Variants in FBLN5 observed in about 807,000 individuals in gnomAD.
The protein encoded by FBLN5 is fibulin-5.
In FBLN5, 24 loss-of-function variants were observed where a neutral mutation model predicts 61.6. That is an observed-to-expected ratio of 0.39 (90% CI 0.28 to 0.55). FBLN5 has a LOEUF of 0.55. Among genes scored for constraint, FBLN5 ranks in the 20% least tolerant of loss-of-function variants. The pLI is 0.65. For missense variants in FBLN5, 470 were observed against 594.1 expected, an observed-to-expected ratio of 0.79 and a Z score of 2.17; for synonymous variants, 213 against 219.8, an observed-to-expected ratio of 0.97 and a Z score of 0.27.
chr14:91,911,765 C>A (rs1308028826), intron 4 of FBLN5, among the ~76,000 whole-genome samples: 1 of 145,728 alleles, frequency 6.9e-6, no homozygotes, highest in African/African-American at 2.5e-5. Context: ...CTCTGCAGGG[C>A]TAAGGAGGCC....
chr14:91,947,274 C>CGCGG lies in FBLN5; in HGVS notation c.-49_-46dup. The CGCGG allele has an allele frequency of 6.2e-7, 1 of 1,613,860 alleles. No individual in the cohort carries two copies. Among genetic ancestry groups the CGCGG allele is most frequent in the Non-Finnish European group, 8.5e-7 (1 of 1,179,886 alleles). On this transcript the variant is annotated 5_prime_UTR_variant, in exon 1 of 11. Transcript: ENST00000342058. The surrounding 1 kb of genome is among the most constrained non-coding windows in gnomAD (Gnocchi z 4.3). ...GAGATGCGAAGGCGAGAAGAAAGCT[C>CGCGG]GCGGGCGGGACCCCCGGAGGAGCTC...
At chr14:91,928,781 G>C (rs747544256) in intron 4 of FBLN5, among the ~76,000 whole-genome samples, 6 of 151,810 alleles carry the variant, frequency 4.0e-5, no homozygotes, top group African/African-American at 1.5e-4. Flanking sequence ...GTCTCAGGCC[G>C]GGCGCAGTGG....
chr14:91,939,641 C>T (rs1319209592), intron 3 of FBLN5, among the ~76,000 whole-genome samples: 2 of 152,152 alleles, frequency 1.3e-5, no homozygotes, highest in African/African-American at 4.8e-5. Context: ...CGCACCCGGC[C>T]CCATCGATGC....
rs77135064 is a variant in FBLN5, at chr14:91,935,401, G to C, written c.379+1546C>G. On this transcript the variant is annotated intron_variant, in intron 4 of 10. Coordinates refer to ENST00000342058, the MANE Select transcript of FBLN5 (RefSeq NM_006329.4). ...CAAGGCCCCCTGCCAAAACCGCAGA[G>C]TGCCTCGAAAGAATCATTACACCCT... Among the ~76,000 whole-genome samples the C allele has an allele frequency of 4.2e-3, 639 of 152,350 alleles. 6 individuals are homozygous for C. The highest frequency in any genetic ancestry group is 0.015 in the African/African-American group (608 of 41,574).
chr14:91,886,787 A>G (rs1011635311), intron 7 of FBLN5, among the ~76,000 whole-genome samples: 3 of 152,068 alleles, frequency 2.0e-5, no homozygotes, highest in Non-Finnish European at 2.9e-5. Flanking sequence ...CCCCAACCCT[A>G]CCCGATAAGA....
intron 4 of FBLN5, among the ~76,000 whole-genome samples, chr14:91,912,712 A>C (rs1243312980): frequency 6.6e-6 from 1 of 151,224 alleles, no homozygotes; most frequent in Non-Finnish European, 1.5e-5. Flanking sequence ...CGGGAGGCTA[A>C]GGTTGGAGGA....
In FBLN5 at chr14:91,947,614, G is replaced by A. The variant is rs556159986; in HGVS notation, c.-385C>T. On this transcript the variant is annotated 5_prime_UTR_variant, in exon 1 of 11. In the 5' UTR this introduces an upstream ATG that the reference lacks. Transcript: ENST00000342058. This position sits in a 1 kb window ranked among gnomAD's most constrained non-coding sequence, Gnocchi z 4.3. The stretch of plus-strand genomic sequence containing the variant: ...AGACTCCTCACAACAATCTTGGGGC[G>A]TCTGCCAGGGCCCAGTGCTCGGCGC... 1.2e-5 allele frequency: 3 copies of A among 252,528 alleles called. No homozygotes were observed. Among genetic ancestry groups the A allele is most frequent in the South Asian group, 6.1e-5 (1 of 16,402 alleles). 15.6% of individuals were successfully genotyped at this position (252,528 alleles called of 1,614,324 possible).
chr14:91,919,390 A>AAAGAAAGGAAGGAAGGAAGG (rs1284751505), intron 4 of FBLN5, among the ~76,000 whole-genome samples: 1 of 99,510 alleles, frequency 1.0e-5, no homozygotes, highest in African/African-American at 3.6e-5. Context: ...AGAAAGAAAG[A>AAAGAAAGGAAGGAAGGAAGG]AAGGAAGGAA....
At chr14:91,877,815 C>T in intron 9 of FBLN5, 133 bp from the exon 10 acceptor site, 1 of 736,888 alleles carries the variant, frequency 1.4e-6, no homozygotes, top group Non-Finnish European at 2.4e-6. Flanking sequence ...TGTAGAATGT[C>T]TCTGCTCCTG....
At chr14:91,898,840 C>T (rs1181477613) in intron 4 of FBLN5, among the ~76,000 whole-genome samples, 1 of 127,526 alleles carries the variant, frequency 7.8e-6, no homozygotes, top group African/African-American at 3.0e-5. Flanking sequence ...CTCGCTCTGT[C>T]GCCCAGGCTG....
At chr14:91,902,391 A>C (rs1050558246) in intron 4 of FBLN5, among the ~76,000 whole-genome samples, 1 of 150,768 alleles carries the variant, frequency 6.6e-6, no homozygotes, top group Non-Finnish European at 1.5e-5. Flanking sequence ...AATTTTTGCC[A>C]TTTGTCTATC....
chr14:91,911,161 T>C (rs1342617401), intron 4 of FBLN5, among the ~76,000 whole-genome samples: 3 of 152,104 alleles, frequency 2.0e-5, no homozygotes, highest in African/African-American at 7.2e-5. Context: ...TTTTTGTATT[T>C]TTAGTAGAGA....
At chr14:91,880,121 C>T (rs546078618) in intron 9 of FBLN5, among the ~76,000 whole-genome samples, 11 of 152,316 alleles carry the variant, frequency 7.2e-5, no homozygotes, top group South Asian at 4.1e-4. Flanking sequence ...ACCAAGATGA[C>T]GTCAGAAACT....
chr14:91,885,520 C>T (rs1566803632), intron 7 of FBLN5, among the ~76,000 whole-genome samples: 1 of 152,154 alleles, frequency 6.6e-6, no homozygotes, highest in Non-Finnish European at 1.5e-5. Context: ...CAGCTTCCAG[C>T]CAGCCTGGAA....
intron 4 of FBLN5, among the ~76,000 whole-genome samples, chr14:91,910,598 C>A (rs1206494191): frequency 6.6e-6 from 1 of 152,186 alleles, no homozygotes; most frequent in Non-Finnish European, 1.5e-5. Context: ...GTTCTATAAA[C>A]TGTTCCCACT....
intron 4 of FBLN5, among the ~76,000 whole-genome samples, chr14:91,913,768 T>G (rs968820291): frequency 6.6e-6 from 1 of 152,234 alleles, no homozygotes; most frequent in East Asian, 1.9e-4. Context: ...GAATAAATCA[T>G]GAAGACCCTA....
At chr14:91,920,180 ACT>A in intron 4 of FBLN5, among the ~76,000 whole-genome samples, 1 of 151,706 alleles carries the variant, frequency 6.6e-6, no homozygotes, top group Non-Finnish European at 1.5e-5. Context: ...TGTCTTAATG[ACT>A]CTATTTTATT....
chr14:91,879,588 C>A (rs1451471265), intron 9 of FBLN5, among the ~76,000 whole-genome samples: 6 of 152,142 alleles, frequency 3.9e-5, no homozygotes, highest in Admixed American at 3.9e-4. Context: ...CCTGGAAAAA[C>A]CCAGAGAGAA....
intron 9 of FBLN5, 129 bp from the exon 10 acceptor site, chr14:91,877,811 A>G: frequency 1.3e-6 from 1 of 743,240 alleles, no homozygotes; most frequent in South Asian, 1.5e-5. Context: ...TAACTGTAGA[A>G]TGTCTCTGCT....
Sources: allele counts gnomAD v4.1 joint callset (sites outside exome capture counted in the v4.1 genomes callset), GRCh38; gene constraint gnomAD v4.1.1; non-coding constraint Gnocchi (gnomAD v3.1); transcripts MANE v1.5; gene names NCBI Gene and HGNC (gene_info 2026-07-23, HGNC 2026-07-21).